Variants in SNTB2 observed in about 807,000 individuals in gnomAD.
SNTB2 encodes beta-2-syntrophin.
SNTB2 carries 34 observed loss-of-function variants against 46.2 expected under a neutral mutation model. The ratio of observed to expected loss-of-function variants is 0.74; its 90% CI spans 0.56 to 0.98. The LOEUF is 0.98. SNTB2 is among the 50% of genes least tolerant of loss of function. The pLI is 0.00. For synonymous variants in SNTB2, 290 were observed against 312.6 expected, an observed-to-expected ratio of 0.93 and a Z score of 0.76; for missense variants, 603 against 731.4, an observed-to-expected ratio of 0.82 and a Z score of 2.02.
At chr16:69,235,788 C>A in intron 1 of SNTB2, 1 of 1,289,314 alleles carries the variant, frequency 7.8e-7, no homozygotes, top group Non-Finnish European at 1.0e-6. Flanking sequence ...ATATCAGGGG[C>A]ACATCAGCTG....
Position 69,270,178 on chromosome 16 carries a change from T to G in SNTB2, c.1041T>G (p.Pro347=), listed in dbSNP as rs1159451506. 5 of 1,614,012 alleles carry G rather than the reference T, an allele frequency of 3.1e-6. No individual in the cohort carries two copies. The Admixed American group carries it at 8.3e-5, about 27-fold the overall frequency. The change falls in exon 4 of 7, where the codon CCT becomes CCG. Residue 347 remains proline (P), a synonymous_variant. Transcript: ENST00000336278. Reference sequence around the variant, plus strand: ...ATGGTGGAAGACAGCAATGGAGACCTGTCCTCATGGCTGTGACTGAGAAGG... The same window carrying G: ...ATGGTGGAAGACAGCAATGGAGACCGGTCCTCATGGCTGTGACTGAGAAGG... ...KLDGGRQQWR[P]VLMAVTEKDL...
At chr16:69,248,631 CAAATAAAATA>C (rs534168979) in intron 2 of SNTB2, among the ~76,000 whole-genome samples, 1 of 151,918 alleles carries the variant, frequency 6.6e-6, no homozygotes, top group Non-Finnish European at 1.5e-5. Context: ...GACTCTGTCT[CAAATAAAATA>C]AAATAAAATA....
At chr16:69,226,762 C>T (rs1421900241) in intron 1 of SNTB2, among the ~76,000 whole-genome samples, 1 of 152,166 alleles carries the variant, frequency 6.6e-6, no homozygotes. Flanking sequence ...AACTTGTGGG[C>T]TCAAGCAATC....
chr16:69,257,956 A>C (rs1964795089), intron 2 of SNTB2, among the ~76,000 whole-genome samples: 1 of 152,242 alleles, frequency 6.6e-6, no homozygotes, highest in Non-Finnish European at 1.5e-5. Context: ...TTATTTAAGA[A>C]AGGATAGACC....
At chr16:69,222,454 G>T (rs970643005) in intron 1 of SNTB2, among the ~76,000 whole-genome samples, 2 of 151,914 alleles carry the variant, frequency 1.3e-5, no homozygotes, top group African/African-American at 2.4e-5. Flanking sequence ...TTGGTTGGGC[G>T]TGGTGGTGTG....
chr16:69,240,099 G>A (rs1191143153), intron 1 of SNTB2, among the ~76,000 whole-genome samples: 1 of 152,016 alleles, frequency 6.6e-6, no homozygotes, highest in African/African-American at 2.4e-5. Context: ...TAGTGTACAG[G>A]CTTTTGTGTG....
chr16:69,196,944 A>G (rs569746283), intron 1 of SNTB2, among the ~76,000 whole-genome samples: 1 of 152,312 alleles, frequency 6.6e-6, no homozygotes, highest in Non-Finnish European at 1.5e-5. Context: ...ATTTTCAGGA[A>G]AATTGTGCTT....
At chr16:69,283,115 T>G (rs1965066219) in intron 4 of SNTB2, among the ~76,000 whole-genome samples, 1 of 152,068 alleles carries the variant, frequency 6.6e-6, no homozygotes, top group Non-Finnish European at 1.5e-5. Flanking sequence ...AGATTTTTTT[T>G]GTTGTTTTTT....
At chr16:69,261,070 TA>T (rs932386751) in intron 3 of SNTB2, among the ~76,000 whole-genome samples, 14 of 152,188 alleles carry the variant, frequency 9.2e-5, no homozygotes, top group African/African-American at 3.4e-4. Context: ...AGGACTGGAC[TA>T]GGGGGTTCAG....
intron 4 of SNTB2, among the ~76,000 whole-genome samples, chr16:69,279,072 A>C (rs1431370081): frequency 6.6e-6 from 1 of 152,222 alleles, no homozygotes; most frequent in East Asian, 1.9e-4. Flanking sequence ...TTAAGTGTAC[A>C]GTAGATTAGT....
intron 1 of SNTB2, among the ~76,000 whole-genome samples, chr16:69,232,969 A>C (rs534127683): frequency 1.3e-5 from 2 of 152,326 alleles, no homozygotes; most frequent in East Asian, 3.9e-4. Context: ...GAGATCTTCA[A>C]AAAAGGATAT....
Position 69,302,933 on chromosome 16 carries a change from G to A in SNTB2, c.*2009G>A, listed in dbSNP as rs1443574594. The A allele has an allele frequency of 6.6e-6, 1 of 151,990 alleles. No homozygotes were observed. The allele number at this position is 151,990 out of a possible 1,614,324, so 9.4% of individuals were successfully genotyped here. On this transcript the variant is annotated 3_prime_UTR_variant, in exon 7 of 7. Coordinates refer to ENST00000336278, the MANE Select transcript of SNTB2 (RefSeq NM_006750.4). The stretch of plus-strand genomic sequence containing the variant: ...CTCGTTCTGTCTCCCAGGCTGGAGT[G>A]CAGTGGCATGATCTCGGCTCACTGC...
chr16:69,227,969 CCT>C (rs948753012), intron 1 of SNTB2, among the ~76,000 whole-genome samples: 5 of 151,644 alleles, frequency 3.3e-5, no homozygotes, highest in African/African-American at 1.2e-4. Flanking sequence ...GCGATTCTCC[CCT>C]CTCAGCCTCC....
chr16:69,245,131 C>G (rs757588551), intron 1 of SNTB2, among the ~76,000 whole-genome samples: 2 of 152,158 alleles, frequency 1.3e-5, no homozygotes, highest in Non-Finnish European at 2.9e-5. Context: ...ATGGGTCTGT[C>G]TTAGAATCTA....
intron 2 of SNTB2, among the ~76,000 whole-genome samples, chr16:69,250,193 A>G (rs1964712671): frequency 6.6e-6 from 1 of 152,224 alleles, no homozygotes; most frequent in Admixed American, 6.5e-5. Context: ...TCGCATTTCC[A>G]TGCGTTTTTT....
chr16:69,280,454 C>T (rs898005636), intron 4 of SNTB2, among the ~76,000 whole-genome samples: 1 of 144,492 alleles, frequency 6.9e-6, no homozygotes. Context: ...AGAGGCGCCC[C>T]TCACCTCCCG....
chr16:69,227,753 G>A (rs1964472542), intron 1 of SNTB2, among the ~76,000 whole-genome samples: 1 of 151,860 alleles, frequency 6.6e-6, no homozygotes, highest in South Asian at 2.1e-4. Flanking sequence ...GAGTGTTAGA[G>A]GAATATAGAT....
At chr16:69,251,114 G>A (rs1170922382) in intron 2 of SNTB2, among the ~76,000 whole-genome samples, 1 of 149,388 alleles carries the variant, frequency 6.7e-6, no homozygotes, top group Non-Finnish European at 1.5e-5. Flanking sequence ...AAGTAGCTGC[G>A]ACTACAGGCT....
At chr16:69,286,812 A>G (rs1482001880) in intron 5 of SNTB2, among the ~76,000 whole-genome samples, 1 of 152,090 alleles carries the variant, frequency 6.6e-6, no homozygotes, top group East Asian at 1.9e-4. Context: ...TCAGGGCTGT[A>G]GTGCACAATG....
Sources: allele counts gnomAD v4.1 joint callset (sites outside exome capture counted in the v4.1 genomes callset), GRCh38; gene constraint gnomAD v4.1.1; transcripts MANE v1.5; gene names NCBI Gene and HGNC (gene_info 2026-07-23, HGNC 2026-07-21).